Variants in CAMTA1 observed in about 807,000 individuals in gnomAD.
The protein encoded by CAMTA1 is calmodulin binding transcription activator 1.
A neutral mutation model predicts 170.9 loss-of-function variants in CAMTA1; 27 were observed. The observed-to-expected ratio is 0.16, with a 90% CI of 0.12 to 0.22. The LOEUF (loss-of-function observed/expected upper bound fraction) is 0.22. CAMTA1 is among the 10% of genes least tolerant of loss of function. The pLI, the probability that CAMTA1 is intolerant of heterozygous loss-of-function variation, is 1.00. For synonymous variants in CAMTA1, 833 were observed against 891.5 expected (o/e 0.93, Z 1.17); for missense variants, 1,619 against 2,217.2 (o/e 0.73, Z 5.42).
intron 3 of CAMTA1, among the ~76,000 whole-genome samples, chr1:6,833,839 G>A (rs901283433): frequency 1.1e-4 from 16 of 152,304 alleles, no homozygotes; most frequent in African/African-American, 3.1e-4. Flanking sequence ...AAATTAAGAT[G>A]CAAAGTTAAA....
intron 6 of CAMTA1, among the ~76,000 whole-genome samples, chr1:7,493,459 A>G (rs2093770776): frequency 6.7e-6 from 1 of 149,918 alleles, no homozygotes; most frequent in African/African-American, 2.4e-5. Flanking sequence ...ACACGTGCAA[A>G]CACACAAAAA....
chr1:7,604,795 A>T (rs2095472723), intron 6 of CAMTA1, among the ~76,000 whole-genome samples: 1 of 151,478 alleles, frequency 6.6e-6, no homozygotes, highest in South Asian at 2.1e-4. Context: ...TCTGTTTTTT[A>T]CCCATCTTTG....
rs80222479 is a variant in CAMTA1 at position 7,365,116 on chromosome 1, G to A, written c.439-102714G>A. Reference sequence around the variant, plus strand: ...CAAGCTCACACTTGGCCTGGAGGCCGGACCCCATGAGGACCAACCTGTGGT... The same window carrying A: ...CAAGCTCACACTTGGCCTGGAGGCCAGACCCCATGAGGACCAACCTGTGGT... On this transcript the variant is annotated intron_variant, in intron 5 of 22. Coordinates refer to ENST00000303635, the MANE Select transcript of CAMTA1 (RefSeq NM_015215.4). 2.0e-3 allele frequency among the ~76,000 whole-genome samples: 300 copies of A among 152,352 alleles called. 3 individuals are homozygous for A. The highest frequency in any genetic ancestry group is 6.9e-3 in the African/African-American group (287 of 41,586).
At chr1:7,265,141 C>T (rs139420128) in intron 5 of CAMTA1, among the ~76,000 whole-genome samples, 1 of 152,222 alleles carries the variant, frequency 6.6e-6, no homozygotes, top group East Asian at 1.9e-4. Flanking sequence ...TCAGGGTCAG[C>T]TCCTGAGCAG....
At chr1:7,714,997 G>A (rs1013250498) in intron 11 of CAMTA1, among the ~76,000 whole-genome samples, 2 of 152,184 alleles carry the variant, frequency 1.3e-5, no homozygotes, top group African/African-American at 4.8e-5. Flanking sequence ...ATTTTGGAGG[G>A]TTTAGTCTGT....
At chr1:7,368,436 G>C (rs191706453) in intron 5 of CAMTA1, among the ~76,000 whole-genome samples, 24 of 151,976 alleles carry the variant, frequency 1.6e-4, no homozygotes, top group Admixed American at 7.2e-4. Context: ...GGCACTCATG[G>C]TTTCATTGGG....
rs1643418500 is a variant in CAMTA1 at position 7,104,831 on chromosome 1, G to A, written c.302+13460G>A. On this transcript the variant is annotated intron_variant, in intron 4 of 22. Transcript: ENST00000303635. ...TGTTATTGATGATGATGATGGTGACGGATAATGGAGAGACTGCATGGGGGG... is the reference window on the plus strand; with the variant it reads ...TGTTATTGATGATGATGATGGTGACAGATAATGGAGAGACTGCATGGGGGG... Among the ~76,000 whole-genome samples, 6 of 152,256 alleles carry A rather than the reference G, an allele frequency of 3.9e-5. 1 individual carries two copies. The Middle Eastern group carries it at 0.017, about 432-fold the overall frequency.
At chr1:6,836,583 A>G (rs1653215447) in intron 3 of CAMTA1, among the ~76,000 whole-genome samples, 2 of 151,034 alleles carry the variant, frequency 1.3e-5, no homozygotes, top group South Asian at 2.1e-4. Context: ...ATGTGTGTGT[A>G]TGTGTGTGTA....
intron 4 of CAMTA1, among the ~76,000 whole-genome samples, chr1:7,165,744 T>C (rs1029749714): frequency 2.0e-5 from 3 of 152,100 alleles, no homozygotes; most frequent in African/African-American, 7.2e-5. Context: ...ATATTTTCAT[T>C]CCAAAGTATT....
At chr1:7,655,918 C>T (rs976969374) in intron 7 of CAMTA1, among the ~76,000 whole-genome samples, 1 of 152,182 alleles carries the variant, frequency 6.6e-6, no homozygotes, top group African/African-American at 2.4e-5. Flanking sequence ...TGTTTTCCTC[C>T]GAAACTCATG....
intron 5 of CAMTA1, among the ~76,000 whole-genome samples, chr1:7,409,248 G>C (rs77622938): frequency 0.01 from 1,578 of 152,332 alleles, 16 homozygotes; most frequent in South Asian, 0.022. Flanking sequence ...GGACCAAGAG[G>C]GGGATGGTGG....
At chr1:7,265,008 G>A (rs1419806933) in intron 5 of CAMTA1, among the ~76,000 whole-genome samples, 1 of 152,232 alleles carries the variant, frequency 6.6e-6, no homozygotes, top group East Asian at 1.9e-4. Flanking sequence ...TGACACCAGG[G>A]CCTGCAGGGG....
At chr1:7,164,725 C>T (rs1241720675) in intron 4 of CAMTA1, among the ~76,000 whole-genome samples, 2 of 152,220 alleles carry the variant, frequency 1.3e-5, no homozygotes, top group South Asian at 2.1e-4. Context: ...TGCAGCGTTT[C>T]AGCCAGTAAG....
intron 5 of CAMTA1, among the ~76,000 whole-genome samples, chr1:7,361,610 T>C (rs924790205): frequency 2.0e-5 from 3 of 152,234 alleles, no homozygotes; most frequent in African/African-American, 7.2e-5. Context: ...TTCCACAGTG[T>C]GACTTTTTTA....
intron 6 of CAMTA1, among the ~76,000 whole-genome samples, chr1:7,507,664 GC>G (rs1376917571): frequency 6.6e-6 from 1 of 152,220 alleles, no homozygotes; most frequent in African/African-American, 2.4e-5. Flanking sequence ...GCAAGCGCCA[GC>G]CCCCGAGCAG....
At chr1:7,401,308 T>G (rs894252627) in intron 5 of CAMTA1, among the ~76,000 whole-genome samples, 11 of 152,240 alleles carry the variant, frequency 7.2e-5, no homozygotes, top group Non-Finnish European at 1.6e-4. Context: ...TTGTTGAAAA[T>G]CAATTGGTCA....
intron 5 of CAMTA1, among the ~76,000 whole-genome samples, chr1:7,447,382 A>G (rs1044368236): frequency 1.7e-5 from 2 of 118,638 alleles, no homozygotes; most frequent in Non-Finnish European, 3.2e-5. Flanking sequence ...TCAGGTTGAT[A>G]GTGTTGGGCC....
At chr1:6,909,676 G>T (rs1285892264) in intron 3 of CAMTA1, among the ~76,000 whole-genome samples, 1 of 152,268 alleles carries the variant, frequency 6.6e-6, no homozygotes, top group African/African-American at 2.4e-5. Flanking sequence ...ACTAACTGGA[G>T]CAGGTGGGGT....
At chr1:6,955,348 A>T (rs1689271865) in intron 3 of CAMTA1, among the ~76,000 whole-genome samples, 1 of 152,116 alleles carries the variant, frequency 6.6e-6, no homozygotes, top group South Asian at 2.1e-4. Flanking sequence ...TCTGACCCTT[A>T]GGAAGCTAGG....
Sources: gnomAD v4.1 joint callset for allele counts (sites outside exome capture counted in the v4.1 genomes callset) on GRCh38, gnomAD v4.1.1 for gene constraint, MANE v1.5 for transcripts, NCBI Gene and HGNC (gene_info 2026-07-23, HGNC 2026-07-21) for gene names.